ZC3H12B: variants seen among roughly 807,000 people sequenced by gnomAD.
ZC3H12B encodes zinc finger CCCH-type containing 12B, also known as probable ribonuclease ZC3H12B.
ZC3H12B carries 7 observed loss-of-function variants against 43.9 expected under a neutral mutation model. The ratio of observed to expected loss-of-function variants is 0.16; its 90% CI spans 0.09 to 0.30. The LOEUF (loss-of-function observed/expected upper bound fraction) is 0.30, where lower values mean the gene tolerates loss of function less well. ZC3H12B is among the 10% of genes least tolerant of loss of function. ZC3H12B has a pLI of 1.00. For synonymous variants in ZC3H12B, 222 were observed against 241.7 expected, an observed-to-expected ratio of 0.92 and a Z score of 0.76; for missense variants, 475 against 670.2, an observed-to-expected ratio of 0.71 and a Z score of 3.22.
chrX:65,155,400 C>G, the ZC3H12B span, among the ~76,000 whole-genome samples: 2 of 111,583 alleles, frequency 1.8e-5, no homozygotes, highest in African/African-American at 6.5e-5. Flanking sequence ...TTCAAAGTAA[C>G]ACTATTCCTG....
At chrX:65,326,457 G>A in the ZC3H12B span, among the ~76,000 whole-genome samples, 63 of 110,594 alleles carry the variant, frequency 5.7e-4, no homozygotes, top group Admixed American at 5.0e-3. Context: ...ATAAAAAGGT[G>A]GAACTCATGA....
At chrX:65,139,338 A>G in the ZC3H12B span, among the ~76,000 whole-genome samples, 52 of 112,108 alleles carry the variant, frequency 4.6e-4, no homozygotes, top group African/African-American at 1.5e-3. Context: ...CCATTTATGG[A>G]GGAGATTTTC....
the ZC3H12B span, among the ~76,000 whole-genome samples, chrX:65,230,205 A>G: frequency 8.9e-6 from 1 of 111,843 alleles, no homozygotes; most frequent in Non-Finnish European, 1.9e-5. Context: ...CTATGTAGCC[A>G]TAAAAAATGA....
At chrX:65,094,266 T>A in the ZC3H12B span, among the ~76,000 whole-genome samples, 2 of 109,736 alleles carry the variant, frequency 1.8e-5, no homozygotes, top group African/African-American at 6.6e-5. Flanking sequence ...GCCTCTTTTT[T>A]TTTTTTTTTA....
the ZC3H12B span, among the ~76,000 whole-genome samples, chrX:65,057,626 G>C: frequency 9.0e-6 from 1 of 111,428 alleles, no homozygotes; most frequent in Non-Finnish European, 1.9e-5. Flanking sequence ...TTGAATGTTG[G>C]CCTGCCTTGC....
the ZC3H12B span, among the ~76,000 whole-genome samples, chrX:65,155,020 A>G: frequency 9.2e-6 from 1 of 108,399 alleles, no homozygotes; most frequent in African/African-American, 3.4e-5. Context: ...CAGTGGCACA[A>G]TCTCAGCTCA....
the ZC3H12B span, among the ~76,000 whole-genome samples, chrX:65,038,655 G>T: frequency 1.4e-3 from 153 of 110,520 alleles, 1 homozygote; most frequent in Middle Eastern, 4.6e-3. Flanking sequence ...TTTAAGGCAG[G>T]TACACATGTT....
At chrX:65,176,164 G>A in the ZC3H12B span, among the ~76,000 whole-genome samples, 1 of 112,067 alleles carries the variant, frequency 8.9e-6, no homozygotes, top group Non-Finnish European at 1.9e-5. Context: ...TGCCAGGACA[G>A]CAGTCTGAAG....
chrX:65,415,940 G>A (rs1266769172), intron 3 of ZC3H12B, among the ~76,000 whole-genome samples: 1 of 111,503 alleles, frequency 9.0e-6, no homozygotes, highest in African/African-American at 3.3e-5. Flanking sequence ...TTTGAAATGG[G>A]GGCATGTTTT....
the ZC3H12B span, among the ~76,000 whole-genome samples, chrX:65,079,314 G>T: frequency 6.2e-5 from 7 of 112,767 alleles, no homozygotes; most frequent in African/African-American, 1.9e-4. Context: ...TGAAGGGAAG[G>T]ATGCAGGCCT....
chrX:65,302,106 A>T, the ZC3H12B span, among the ~76,000 whole-genome samples: 4 of 111,859 alleles, frequency 3.6e-5, no homozygotes, highest in Non-Finnish European at 7.5e-5. Context: ...TCTTACTAAG[A>T]TAAGAAATAA....
At chrX:65,161,181 C>G in the ZC3H12B span, among the ~76,000 whole-genome samples, 2 of 110,951 alleles carry the variant, frequency 1.8e-5, no homozygotes, top group Admixed American at 9.6e-5. Context: ...TTACTTCCAA[C>G]TATGTGGTCA....
At chrX:65,490,831 G>A (rs972003294) in intron 1 of ZC3H12B, among the ~76,000 whole-genome samples, 2 of 111,079 alleles carry the variant, frequency 1.8e-5, no homozygotes, top group African/African-American at 6.5e-5. Flanking sequence ...AAAAGCCTTA[G>A]TCTAGCAAGT....
In ZC3H12B at chrX:65,450,841, GTA is replaced by G. The variant is rs202057372; in HGVS notation, n.408-37796_408-37795del. Among the ~76,000 whole-genome samples the G allele has an allele frequency of 1.2e-3, 90 of 73,396 alleles. 1 individual carries two copies. Among genetic ancestry groups the G allele is most frequent in the African/African-American group, 1.9e-3 (34 of 17,681 alleles). The allele number at this position is 73,396 out of a possible 115,157, so 63.7% of individuals were successfully genotyped here. On this transcript the variant is annotated intron_variant and non_coding_transcript_variant, in intron 3 of 5. Coordinates refer to the ZC3H12B transcript ENST00000617377. ...TATATATATACATATGTGTATATATGTATATATATACATATGTGTATATATGT... is the reference window on the plus strand; with the variant it reads ...TATATATATACATATGTGTATATATGTATATATACATATGTGTATATATGT...
the ZC3H12B span, among the ~76,000 whole-genome samples, chrX:65,236,778 T>C: frequency 8.9e-6 from 1 of 112,300 alleles, no homozygotes; most frequent in Non-Finnish European, 1.9e-5. Context: ...TAGCCAATTC[T>C]CCCAACACTA....
intron 2 of ZC3H12B, among the ~76,000 whole-genome samples, chrX:65,382,897 G>C (rs1005560447): frequency 9.0e-6 from 1 of 110,690 alleles, no homozygotes; most frequent in African/African-American, 3.3e-5. Context: ...AACTTACAAG[G>C]GATGTGAAGG....
At chrX:65,097,161 C>A in the ZC3H12B span, among the ~76,000 whole-genome samples, 1 of 112,001 alleles carries the variant, frequency 8.9e-6, no homozygotes, top group Non-Finnish European at 1.9e-5. Flanking sequence ...CCTATCCTTT[C>A]TTTGTAACCT....
chrX:65,062,527 T>G, the ZC3H12B span, among the ~76,000 whole-genome samples: 1 of 111,998 alleles, frequency 8.9e-6, no homozygotes, highest in African/African-American at 3.2e-5. Context: ...ATATATATGT[T>G]TTGGTACCAG....
chrX:65,177,768 TAA>T, the ZC3H12B span, among the ~76,000 whole-genome samples: 40 of 111,670 alleles, frequency 3.6e-4, no homozygotes, highest in Non-Finnish European at 1.3e-4. Context: ...CTCAAGGAAA[TAA>T]GAGAGGACAC....
Sources: gnomAD v4.1 joint callset for allele counts (sites outside exome capture counted in the v4.1 genomes callset) on GRCh38, gnomAD v4.1.1 for gene constraint, MANE v1.5 for transcripts, NCBI Gene and HGNC (gene_info 2026-07-23, HGNC 2026-07-21) for gene names.